MSRB3: variants seen among roughly 807,000 people sequenced by gnomAD.
The protein encoded by MSRB3 is methionine-R-sulfoxide reductase B3.
MSRB3 carries 13 observed loss-of-function variants against 21.0 expected under a neutral mutation model. The ratio of observed to expected loss-of-function variants is 0.62; its 90% CI spans 0.40 to 0.98. The LOEUF (loss-of-function observed/expected upper bound fraction) is 0.98, where lower values mean the gene tolerates loss of function less well. MSRB3 is among the 50% of genes least tolerant of loss of function. The pLI is 0.00. For synonymous variants in MSRB3, 87 were observed against 88.6 expected (o/e 0.98, Z 0.10); for missense variants, 199 against 230.3 (o/e 0.86, Z 0.88).
chr12:65,289,930 C>T (rs1213934892), intron 1 of MSRB3, among the ~76,000 whole-genome samples: 1 of 152,122 alleles, frequency 6.6e-6, no homozygotes, highest in Non-Finnish European at 1.5e-5. Context: ...TCTTTATCCC[C>T]CACAAAATTA....
intron 3 of MSRB3, 86 bp downstream of exon 3, chr12:65,327,020 T>A: frequency 1.1e-6 from 1 of 925,558 alleles, no homozygotes; most frequent in Non-Finnish European, 1.7e-6. Flanking sequence ...CCAATTAATT[T>A]AAAGCATTCT....
chr12:65,353,573 G>C (rs1442567960), intron 4 of MSRB3, among the ~76,000 whole-genome samples: 1 of 151,934 alleles, frequency 6.6e-6, no homozygotes, highest in Non-Finnish European at 1.5e-5. Flanking sequence ...TTTTCCATTT[G>C]CTTGGTAGAT....
rs267603630 is a variant in MSRB3 at position 65,463,225 on chromosome 12, C to T, written c.461C>T (p.Ser154Leu). 6.2e-7 allele frequency: 1 copy of T among 1,614,200 alleles called. No homozygotes were observed. Among genetic ancestry groups the T allele is most frequent in the Non-Finnish European group, 8.5e-7 (1 of 1,180,036 alleles). The change falls in exon 7 of 7, where the codon TCG becomes TTG. Residue 154 changes from serine to leucine, a missense_variant. By Grantham distance (145) the Ser-to-Leu change is moderately radical. Coordinates refer to ENST00000308259, the MANE Select transcript of MSRB3 (RefSeq NM_001031679.3). ...ACTGGGAAAAGATACTGCATAAATT[C>T]GGCTGCCTTGTCTTTTACACCTGCG... ...RPTGKRYCIN[S>L]AALSFTPADS...
intron 5 of MSRB3, among the ~76,000 whole-genome samples, chr12:65,426,105 G>T (rs191115965): frequency 6.6e-6 from 1 of 152,010 alleles, no homozygotes; most frequent in Non-Finnish European, 1.5e-5. Flanking sequence ...CAATCTGCCC[G>T]CCCGCCTCAG....
chr12:65,384,557 C>T (rs1170542865), intron 5 of MSRB3, among the ~76,000 whole-genome samples: 1 of 152,096 alleles, frequency 6.6e-6, no homozygotes, highest in Non-Finnish European at 1.5e-5. Flanking sequence ...TTAATGACCT[C>T]TATCTTAAGT....
At chr12:65,326,347 T>C (rs1875026491) in intron 2 of MSRB3, among the ~76,000 whole-genome samples, 1 of 152,136 alleles carries the variant, frequency 6.6e-6, no homozygotes, top group African/African-American at 2.4e-5. Context: ...AATAGGATGG[T>C]AGTTAAATCA....
chr12:65,401,110 T>C (rs1275455989), intron 5 of MSRB3, among the ~76,000 whole-genome samples: 1 of 152,190 alleles, frequency 6.6e-6, no homozygotes, highest in Non-Finnish European at 1.5e-5. Flanking sequence ...GAGAGTTCTG[T>C]GGATGTCTAT....
chr12:65,420,391 T>C (rs1404721023), intron 5 of MSRB3, among the ~76,000 whole-genome samples: 1 of 144,980 alleles, frequency 6.9e-6, no homozygotes, highest in Admixed American at 6.9e-5. Context: ...TGTGGTTTCA[T>C]GCAAGTTTTA....
intron 5 of MSRB3, among the ~76,000 whole-genome samples, chr12:65,443,589 C>A (rs898508726): frequency 6.6e-6 from 1 of 152,096 alleles, no homozygotes; most frequent in Non-Finnish European, 1.5e-5. Context: ...GTTCTGGAGG[C>A]TGGGAAGTCC....
At chr12:65,445,528 A>T (rs1255132604) in intron 5 of MSRB3, among the ~76,000 whole-genome samples, 1 of 151,576 alleles carries the variant, frequency 6.6e-6, no homozygotes, top group Non-Finnish European at 1.5e-5. Flanking sequence ...TTAATTTTTG[A>T]ATAGTATATT....
intron 5 of MSRB3, among the ~76,000 whole-genome samples, chr12:65,399,078 T>A (rs1392371521): frequency 5.3e-5 from 8 of 152,338 alleles, no homozygotes; most frequent in African/African-American, 1.9e-4. Context: ...TAGGATTGTC[T>A]TGGCTATAGG....
intron 5 of MSRB3, among the ~76,000 whole-genome samples, chr12:65,397,562 T>C (rs995962262): frequency 6.6e-6 from 1 of 152,190 alleles, no homozygotes; most frequent in East Asian, 1.9e-4. Context: ...TCTATACACT[T>C]ACCATAATCA....
At chr12:65,353,406 C>T (rs1458579296) in intron 4 of MSRB3, among the ~76,000 whole-genome samples, 1 of 152,108 alleles carries the variant, frequency 6.6e-6, no homozygotes, top group Non-Finnish European at 1.5e-5. Context: ...AATCTGGGTG[C>T]TCCTGTATTG....
At chr12:65,459,097 A>C (rs906488016) in intron 6 of MSRB3, among the ~76,000 whole-genome samples, 7 of 142,884 alleles carry the variant, frequency 4.9e-5, no homozygotes, top group African/African-American at 1.8e-4. Context: ...CTAATAAATC[A>C]CTTAACTTTT....
Position 65,426,153 on chromosome 12 carries a change from C to T in MSRB3, c.293-27575C>T, listed in dbSNP as rs372844217. ...TTGGGATTACAGGTGTGAGCCACTG[C>T]GCCCAGCCTCTAGTGTTTTTATGTT... is the stretch of plus-strand genomic sequence containing the variant. On this transcript the variant is annotated intron_variant, in intron 5 of 6. Coordinates refer to ENST00000308259, the MANE Select transcript of MSRB3 (RefSeq NM_001031679.3). Among the ~76,000 whole-genome samples, 518 of 152,262 alleles carry T rather than the reference C, an allele frequency of 3.4e-3. 2 individuals carry two copies. The highest frequency in any genetic ancestry group is 0.012 in the African/African-American group (495 of 41,546).
intron 5 of MSRB3, among the ~76,000 whole-genome samples, chr12:65,406,784 C>A (rs1052324674): frequency 1.3e-5 from 2 of 152,124 alleles, no homozygotes; most frequent in Non-Finnish European, 2.9e-5. Flanking sequence ...GAGCTGGGGT[C>A]ATTTAGGAAG....
intron 5 of MSRB3, among the ~76,000 whole-genome samples, chr12:65,439,083 T>A (rs1882252190): frequency 6.6e-6 from 1 of 151,752 alleles, no homozygotes; most frequent in South Asian, 2.1e-4. Context: ...TAAAGAAAGC[T>A]TTATGGTTAA....
At chr12:65,286,464 T>A (rs910145959) in intron 1 of MSRB3, 6 of 152,132 alleles carry the variant, frequency 3.9e-5, no homozygotes, top group African/African-American at 1.4e-4. Flanking sequence ...AATTATATTT[T>A]TAGGTATATG....
chr12:65,435,814 T>C (rs1174647237), intron 5 of MSRB3, among the ~76,000 whole-genome samples: 1 of 151,884 alleles, frequency 6.6e-6, no homozygotes, highest in Non-Finnish European at 1.5e-5. Flanking sequence ...CTAGAGTTAG[T>C]AACCCAAGGT....
Sources: gnomAD v4.1 joint callset for allele counts (sites outside exome capture counted in the v4.1 genomes callset) on GRCh38, gnomAD v4.1.1 for gene constraint, MANE v1.5 for transcripts, NCBI Gene and HGNC (gene_info 2026-07-23, HGNC 2026-07-21) for gene names.